The following NSMCE2 variants were observed in gnomAD, a reference collection of about 807,000 sequenced individuals.
NSMCE2 encodes E3 SUMO-protein ligase NSE2.
A neutral mutation model predicts 23.8 loss-of-function variants in NSMCE2; 24 were observed. That is an observed-to-expected ratio of 1.01 (90% CI 0.73 to 1.42). The LOEUF (loss-of-function observed/expected upper bound fraction) is 1.42. Among genes scored for constraint, NSMCE2 ranks in the 40% most tolerant of loss-of-function variants. The probability of loss-of-function intolerance (pLI) is 0.00; values close to 1 mark genes in which losing one functional copy is unlikely to be tolerated. For synonymous variants in NSMCE2, 92 were observed against 94.1 expected (o/e 0.98, Z 0.13); for missense variants, 284 against 296.5 (o/e 0.96, Z 0.31).
chr8:125,122,414 T>G (rs986137488), intron 3 of NSMCE2, among the ~76,000 whole-genome samples: 14 of 152,176 alleles, frequency 9.2e-5, no homozygotes, highest in African/African-American at 2.9e-4. Context: ...TTTAAACCCT[T>G]GAGCATAACT....
intron 5 of NSMCE2, among the ~76,000 whole-genome samples, chr8:125,328,544 C>T (rs754135616): frequency 2.0e-5 from 3 of 152,304 alleles, no homozygotes; most frequent in Admixed American, 6.5e-5. Flanking sequence ...TTTCAGAATT[C>T]GCTGCCAAGC....
chr8:125,255,840 T>C (rs1285690094), intron 5 of NSMCE2, among the ~76,000 whole-genome samples: 1 of 152,154 alleles, frequency 6.6e-6, no homozygotes, highest in Admixed American at 6.5e-5. Context: ...AGGGTATGAA[T>C]TCTGAAGCAT....
chr8:125,155,007 G>T (rs561100515), intron 4 of NSMCE2, among the ~76,000 whole-genome samples: 1 of 152,218 alleles, frequency 6.6e-6, no homozygotes, highest in East Asian at 1.9e-4. Flanking sequence ...ATAAATCTTT[G>T]AATAAATATT....
chr8:125,326,811 C>A (rs1237169642), intron 5 of NSMCE2, among the ~76,000 whole-genome samples: 1 of 150,768 alleles, frequency 6.6e-6, no homozygotes, highest in Non-Finnish European at 1.5e-5. Flanking sequence ...CAAAAATTAG[C>A]CGGTCGTGGT....
At chr8:125,143,460 T>G (rs1820490169) in intron 3 of NSMCE2, among the ~76,000 whole-genome samples, 1 of 152,216 alleles carries the variant, frequency 6.6e-6, no homozygotes. Flanking sequence ...AAAATGGACA[T>G]ATGTACTTTA....
intron 7 of NSMCE2, among the ~76,000 whole-genome samples, chr8:125,362,337 G>A (rs1813596960): frequency 6.6e-6 from 1 of 152,194 alleles, no homozygotes; most frequent in African/African-American, 2.4e-5. Context: ...GAGAAACAAG[G>A]TCCTTCCCAG....
At chr8:125,304,062 T>C (rs1828663034) in intron 5 of NSMCE2, among the ~76,000 whole-genome samples, 1 of 152,232 alleles carries the variant, frequency 6.6e-6, no homozygotes, top group South Asian at 2.1e-4. Context: ...CTACATAAGA[T>C]ATTAATTCAC....
At chr8:125,188,644 TA>T (rs1489082229) in intron 5 of NSMCE2, among the ~76,000 whole-genome samples, 8 of 152,172 alleles carry the variant, frequency 5.3e-5, no homozygotes, top group Non-Finnish European at 1.0e-4. Context: ...ATAATTTTTT[TA>T]GTGCCTTATT....
At chr8:125,155,865 C>T in intron 4 of NSMCE2, 1 of 416,570 alleles carries the variant, frequency 2.4e-6, no homozygotes, top group South Asian at 1.7e-5. Context: ...TGGGGGTAGT[C>T]CTTGCAATGT....
chr8:125,299,864 G>A (rs1045634601), intron 5 of NSMCE2, among the ~76,000 whole-genome samples: 1 of 127,126 alleles, frequency 7.9e-6, no homozygotes, highest in African/African-American at 3.0e-5. Flanking sequence ...TGTCACTCAG[G>A]CTGGAGTGCA....
At chr8:125,251,522 TATGGGTAGAC>T (rs1826196914) in intron 5 of NSMCE2, among the ~76,000 whole-genome samples, 1 of 152,192 alleles carries the variant, frequency 6.6e-6, no homozygotes, top group Non-Finnish European at 1.5e-5. Context: ...ACTCAGTGAA[TATGGGTAGAC>T]ATGGAGTTTG....
At chr8:125,141,153 C>CA (rs1820354173) in intron 3 of NSMCE2, among the ~76,000 whole-genome samples, 1 of 152,118 alleles carries the variant, frequency 6.6e-6, no homozygotes, top group South Asian at 2.1e-4. Flanking sequence ...ACCACTATCA[C>CA]AGTCATTTAT....
At chr8:125,347,336 A>T (rs1374062697) in intron 5 of NSMCE2, among the ~76,000 whole-genome samples, 1 of 151,978 alleles carries the variant, frequency 6.6e-6, no homozygotes, top group South Asian at 2.1e-4. Flanking sequence ...TCTTCTTATC[A>T]CACCTCCCTG....
At chr8:125,185,343 G>C (rs1364049097) in intron 5 of NSMCE2, among the ~76,000 whole-genome samples, 2 of 150,424 alleles carry the variant, frequency 1.3e-5, no homozygotes, top group African/African-American at 4.9e-5. Flanking sequence ...GTCTCGCTTT[G>C]TTACCCAGGC....
chr8:125,253,609 T>A (rs1826286343), intron 5 of NSMCE2, among the ~76,000 whole-genome samples: 1 of 152,200 alleles, frequency 6.6e-6, no homozygotes, highest in South Asian at 2.1e-4. Flanking sequence ...AACATTAGTT[T>A]GAGAATACAG....
chr8:125,309,362 A>T (rs1828889400), intron 5 of NSMCE2, among the ~76,000 whole-genome samples: 1 of 152,026 alleles, frequency 6.6e-6, no homozygotes, highest in East Asian at 1.9e-4. Context: ...GGAGCTTTGG[A>T]TAAAAAGTCA....
At chr8:125,105,701 C>G (rs975720041) in intron 3 of NSMCE2, among the ~76,000 whole-genome samples, 17 of 151,996 alleles carry the variant, frequency 1.1e-4, no homozygotes, top group African/African-American at 3.9e-4. Flanking sequence ...ATAGATGGTA[C>G]GTAAATGAAT....
At chr8:125,246,373 A>G (rs995705887) in intron 5 of NSMCE2, among the ~76,000 whole-genome samples, 12 of 151,886 alleles carry the variant, frequency 7.9e-5, no homozygotes, top group African/African-American at 2.2e-4. Context: ...TAGTAGAGAC[A>G]GGGTTTCACC....
chr8:125,359,965 G>C (rs71516779), intron 7 of NSMCE2, among the ~76,000 whole-genome samples: 103 of 152,296 alleles, frequency 6.8e-4, no homozygotes, highest in Non-Finnish European at 1.3e-3. Context: ...CAGTTAGGAT[G>C]CTTTTACAGT....
Sources: gnomAD v4.1 joint callset for allele counts (sites outside exome capture counted in the v4.1 genomes callset) on GRCh38, gnomAD v4.1.1 for gene constraint, MANE v1.5 for transcripts, NCBI Gene and HGNC (gene_info 2026-07-23, HGNC 2026-07-21) for gene names.